The following RSRC1 variants were observed in gnomAD, a reference collection of about 807,000 sequenced individuals.
RSRC1 encodes the protein serine/Arginine-related protein 53.
In RSRC1, 39 loss-of-function variants were observed where a neutral mutation model predicts 49.1. The ratio of observed to expected loss-of-function variants is 0.79; its 90% confidence interval spans 0.61 to 1.04. The LOEUF (loss-of-function observed/expected upper bound fraction) is 1.04, where lower values mean the gene tolerates loss of function less well. Ranked by LOEUF, RSRC1 falls within the 50% of genes least tolerant of loss-of-function variation. The probability of loss-of-function intolerance (pLI) is 0.00; values close to 1 mark genes in which losing one functional copy is unlikely to be tolerated. For missense variants in RSRC1, 388 were observed against 402.4 expected, an observed-to-expected ratio of 0.96 and a Z score of 0.31; for synonymous variants, 143 against 130.8, an observed-to-expected ratio of 1.09 and a Z score of -0.63.
chr3:158,445,461 A>T lies in RSRC1; in HGVS notation c.584-15474A>T, dbSNP rs148815289. Among the ~76,000 whole-genome samples the T allele has an allele frequency of 7.2e-3, 1,101 of 152,148 alleles. 15 individuals carry two copies. The highest frequency in any genetic ancestry group is 0.026 in the African/African-American group (1,068 of 41,504). ...TAGGTGGGAATTGAACAATGAGAAC[A>T]CTTGTTCACAGGAAGGGGAACCTCA... is the stretch of plus-strand genomic sequence containing the variant. On this transcript the variant is annotated intron_variant, in intron 6 of 9. Coordinates refer to ENST00000611884, the MANE Select transcript of RSRC1 (RefSeq NM_001271838.2).
rs185671631 is a variant in RSRC1 at position 158,232,856 on chromosome 3, A to G, written c.494+29611A>G. 2.4e-3 allele frequency among the ~76,000 whole-genome samples: 358 copies of G among 152,148 alleles called. 1 individual carries two copies. The highest frequency in any genetic ancestry group is 3.6e-3 in the Non-Finnish European group (245 of 67,978). ...ACTCATGCCTCTTTACAAAAATCAG[A>G]TTTATACTTATATGACATGTTTTTA... On this transcript the variant is annotated intron_variant, in intron 4 of 9. Coordinates refer to ENST00000611884, the MANE Select transcript of RSRC1 (RefSeq NM_001271838.2).
At chr3:158,519,899 TA>T (rs1560074486) in intron 7 of RSRC1, among the ~76,000 whole-genome samples, 1 of 152,068 alleles carries the variant, frequency 6.6e-6, no homozygotes, top group Non-Finnish European at 1.5e-5. Flanking sequence ...TGGAGTACTC[TA>T]ATGTTAGAGG....
At chr3:158,222,755 G>A (rs1445764277) in intron 4 of RSRC1, among the ~76,000 whole-genome samples, 2 of 151,388 alleles carry the variant, frequency 1.3e-5, no homozygotes, top group Non-Finnish European at 3.0e-5. Context: ...TCTTTTCTGT[G>A]TCAATGGAAG....
chr3:158,514,125 G>A (rs2108478486), intron 7 of RSRC1, among the ~76,000 whole-genome samples: 1 of 152,136 alleles, frequency 6.6e-6, no homozygotes, highest in Non-Finnish European at 1.5e-5. Context: ...CTTCAGTTCT[G>A]CTCTGATTTT....
At chr3:158,133,898 T>C (rs148390669) in intron 3 of RSRC1, among the ~76,000 whole-genome samples, 1 of 152,294 alleles carries the variant, frequency 6.6e-6, no homozygotes, top group East Asian at 1.9e-4. Flanking sequence ...TATTTGTCAA[T>C]GTCTTGTTAA....
At chr3:158,447,145 A>C (rs758552825) in intron 6 of RSRC1, among the ~76,000 whole-genome samples, 1 of 152,036 alleles carries the variant, frequency 6.6e-6, no homozygotes, top group Admixed American at 6.6e-5. Context: ...CCTTTGGGGA[A>C]AATTTGTGGA....
At chr3:158,416,998 C>T (rs1734771638) in intron 6 of RSRC1, among the ~76,000 whole-genome samples, 1 of 151,942 alleles carries the variant, frequency 6.6e-6, no homozygotes, top group African/African-American at 2.4e-5. Flanking sequence ...TTATAATTTT[C>T]ACTGACTATA....
At position 158,321,647 on chromosome 3, in the gene RSRC1, T is replaced by A. The variant is rs1465595303; in HGVS notation, c.531+23572T>A. Among the ~76,000 whole-genome samples, 3 of 151,632 alleles carry A rather than the reference T, an allele frequency of 2.0e-5. No homozygotes were observed. The East Asian group carries it at 5.8e-4, about 29-fold the overall frequency. On this transcript the variant is annotated intron_variant, in intron 5 of 9. Transcript: ENST00000611884. ...CTGTATTAAGTTGGTGCAAAAGTAA[T>A]TGTGGTATTTGCCTTTAAAAGTAAT...
chr3:158,447,725 T>C (rs1369978342), intron 6 of RSRC1, among the ~76,000 whole-genome samples: 4 of 151,910 alleles, frequency 2.6e-5, no homozygotes, highest in Non-Finnish European at 2.9e-5. Context: ...GAATTGAAGC[T>C]AAGAAAACAC....
chr3:158,281,390 G>A (rs865805706), intron 4 of RSRC1, among the ~76,000 whole-genome samples: 1 of 151,472 alleles, frequency 6.6e-6, no homozygotes, highest in Admixed American at 6.6e-5. Context: ...AAATGAATCT[G>A]GAGCTTATGA....
intron 5 of RSRC1, among the ~76,000 whole-genome samples, chr3:158,328,530 A>C (rs1359117536): frequency 6.6e-6 from 1 of 152,148 alleles, no homozygotes; most frequent in Non-Finnish European, 1.5e-5. Context: ...TGGGTTGAAA[A>C]TTCTTTTCTT....
intron 1 of RSRC1, among the ~76,000 whole-genome samples, chr3:158,117,981 G>A (rs1410856231): frequency 1.3e-5 from 2 of 151,100 alleles, no homozygotes; most frequent in African/African-American, 2.4e-5. Flanking sequence ...GCTGGGTCTC[G>A]CTCTGTCTCC....
At chr3:158,477,501 G>A (rs1251923810) in intron 7 of RSRC1, among the ~76,000 whole-genome samples, 2 of 152,034 alleles carry the variant, frequency 1.3e-5, no homozygotes, top group Non-Finnish European at 2.9e-5. Flanking sequence ...ACTTGTTAAA[G>A]GCTCAGATGA....
chr3:158,348,852 GCTT>G (rs1730708448), intron 5 of RSRC1, among the ~76,000 whole-genome samples: 1 of 152,018 alleles, frequency 6.6e-6, no homozygotes, highest in Non-Finnish European at 1.5e-5. Flanking sequence ...TTGACTTTCT[GCTT>G]CTTAAGTGTT....
At chr3:158,209,618 A>AT (rs1337486292) in intron 4 of RSRC1, among the ~76,000 whole-genome samples, 1 of 151,982 alleles carries the variant, frequency 6.6e-6, no homozygotes, top group Non-Finnish European at 1.5e-5. Context: ...CACCGTTATT[A>AT]TTTCCTCATT....
intron 6 of RSRC1, among the ~76,000 whole-genome samples, chr3:158,395,304 T>C (rs953510343): frequency 2.6e-5 from 4 of 151,862 alleles, no homozygotes; most frequent in Non-Finnish European, 4.4e-5. Flanking sequence ...CCAAAAGCAA[T>C]TGCAACAAAA....
At chr3:158,341,508 A>G (rs571356388) in intron 5 of RSRC1, among the ~76,000 whole-genome samples, 350 of 152,312 alleles carry the variant, frequency 2.3e-3, no homozygotes, top group Non-Finnish European at 3.8e-3. Flanking sequence ...CTGCAGGTGC[A>G]CAGAAGTCAT....
At chr3:158,403,591 C>A (rs998624915) in intron 6 of RSRC1, among the ~76,000 whole-genome samples, 1 of 151,720 alleles carries the variant, frequency 6.6e-6, no homozygotes, top group Non-Finnish European at 1.5e-5. Context: ...AGGAAATATA[C>A]CTCAACTGAG....
intron 7 of RSRC1, among the ~76,000 whole-genome samples, chr3:158,497,678 G>A (rs1006155473): frequency 2.6e-5 from 4 of 151,816 alleles, no homozygotes; most frequent in East Asian, 1.9e-4. Context: ...CTCGTGATCC[G>A]CCTGCCTCAG....
Sources: gnomAD v4.1 joint callset for allele counts (sites outside exome capture counted in the v4.1 genomes callset) on GRCh38, gnomAD v4.1.1 for gene constraint, MANE v1.5 for transcripts, NCBI Gene and HGNC (gene_info 2026-07-23, HGNC 2026-07-21) for gene names.